Variants in SDHAF3 observed in about 807,000 individuals in gnomAD.
SDHAF3 encodes succinate dehydrogenase assembly factor 3, mitochondrial.
SDHAF3 carries 18 observed loss-of-function variants against 11.5 expected under a neutral mutation model. The ratio of observed to expected loss-of-function variants is 1.56; its 90% CI spans 1.08 to 2.32. SDHAF3 has a LOEUF of 2.32. Among genes scored for constraint, SDHAF3 ranks in the 30% most tolerant of loss-of-function variants. The pLI, the probability that SDHAF3 is intolerant of heterozygous loss-of-function variation, is 0.00. For synonymous variants in SDHAF3, 72 were observed against 59.3 expected (o/e 1.21, Z -0.99); for missense variants, 200 against 154.4 (o/e 1.30, Z -1.57).
chr7:97,150,784 G>A (rs758908593), intron 1 of SDHAF3, among the ~76,000 whole-genome samples: 6 of 151,612 alleles, frequency 4.0e-5, no homozygotes, highest in Admixed American at 6.6e-5. Flanking sequence ...GGATAGTCTC[G>A]ATCTCCTGAC....
intron 1 of SDHAF3, among the ~76,000 whole-genome samples, chr7:97,171,841 T>C (rs746742492): frequency 6.6e-6 from 1 of 152,110 alleles, no homozygotes; most frequent in South Asian, 2.1e-4. Flanking sequence ...GAGCAAATAC[T>C]AGATATGTGA....
chr7:97,128,392 A>C (rs1352345230), intron 1 of SDHAF3, among the ~76,000 whole-genome samples: 1 of 152,250 alleles, frequency 6.6e-6, no homozygotes, highest in African/African-American at 2.4e-5. Context: ...CTCATGATAA[A>C]GTAACAAAGT....
intron 1 of SDHAF3, among the ~76,000 whole-genome samples, chr7:97,144,107 A>G (rs1036378036): frequency 6.6e-5 from 10 of 152,022 alleles, no homozygotes; most frequent in African/African-American, 1.9e-4. Context: ...GCGTTTTTTC[A>G]TATGGTCATC....
intron 1 of SDHAF3, among the ~76,000 whole-genome samples, chr7:97,141,185 C>T (rs1789031636): frequency 6.6e-6 from 1 of 152,174 alleles, no homozygotes. Context: ...CTCTCAAACA[C>T]TGTCTCCTGA....
chr7:97,159,841 G>A (rs1489305905), intron 1 of SDHAF3, among the ~76,000 whole-genome samples: 2 of 152,176 alleles, frequency 1.3e-5, no homozygotes, highest in East Asian at 1.9e-4. Context: ...GGAGTTTCGA[G>A]AAGGTTGGTT....
chr7:97,144,804 A>G (rs1055113239), intron 1 of SDHAF3, among the ~76,000 whole-genome samples: 3 of 152,166 alleles, frequency 2.0e-5, no homozygotes, highest in African/African-American at 7.2e-5. Flanking sequence ...CTTTGGTTTC[A>G]TATGGATTTT....
chr7:97,145,867 CAG>C (rs1196154914), intron 1 of SDHAF3, among the ~76,000 whole-genome samples: 1 of 152,136 alleles, frequency 6.6e-6, no homozygotes, highest in African/African-American at 2.4e-5. Flanking sequence ...AAAACCCCAA[CAG>C]AGAGAGAATC....
chr7:97,125,974 CT>C, intron 1 of SDHAF3, among the ~76,000 whole-genome samples: 1 of 152,086 alleles, frequency 6.6e-6, no homozygotes, highest in East Asian at 1.9e-4. Context: ...CATGGATTTA[CT>C]TTGGATGGGG....
chr7:97,144,214 C>G (rs1424867027), intron 1 of SDHAF3, among the ~76,000 whole-genome samples: 2 of 151,874 alleles, frequency 1.3e-5, no homozygotes, highest in Non-Finnish European at 1.5e-5. Context: ...TGTTTGAGTT[C>G]ATTGTTGATT....
intron 1 of SDHAF3, among the ~76,000 whole-genome samples, chr7:97,140,919 C>T (rs147105647): frequency 0.052 from 6,046 of 116,222 alleles, 164 homozygotes; most frequent in Non-Finnish European, 0.073. Context: ...GTGAGCCGGG[C>T]GGAACAGAGC....
intron 1 of SDHAF3, among the ~76,000 whole-genome samples, chr7:97,168,166 G>A (rs745435109): frequency 1.6e-4 from 24 of 152,212 alleles, no homozygotes; most frequent in Non-Finnish European, 1.8e-4. Context: ...ACCCTTCAAC[G>A]TGTTCACGTG....
chr7:97,135,168 C>G (rs565810689), intron 1 of SDHAF3: 1 of 151,946 alleles, frequency 6.6e-6, no homozygotes, highest in African/African-American at 2.4e-5. Context: ...GCTTTACCCC[C>G]TTATTATTGT....
At chr7:97,156,676 G>C (rs1443374551) in intron 1 of SDHAF3, among the ~76,000 whole-genome samples, 1 of 152,006 alleles carries the variant, frequency 6.6e-6, no homozygotes, top group African/African-American at 2.4e-5. Context: ...GAGAACTTCT[G>C]TTCTTCCCTC....
chr7:97,126,177 G>A (rs898295277), intron 1 of SDHAF3, among the ~76,000 whole-genome samples: 7 of 152,172 alleles, frequency 4.6e-5, no homozygotes, highest in Non-Finnish European at 7.3e-5. Flanking sequence ...TGGAAGCTTC[G>A]TCCCAGAGGG....
chr7:97,135,607 G>GTGTC (rs1411240104), intron 1 of SDHAF3: 3 of 148,772 alleles, frequency 2.0e-5, no homozygotes, highest in African/African-American at 7.5e-5. Flanking sequence ...GTGTGTCTGT[G>GTGTC]TGTGTGTGTG....
At chr7:97,138,914 A>G (rs915632597) in intron 1 of SDHAF3, among the ~76,000 whole-genome samples, 2 of 152,174 alleles carry the variant, frequency 1.3e-5, no homozygotes, top group Non-Finnish European at 2.9e-5. Context: ...CCATTGGACC[A>G]TGCCTGGCTT....
At chr7:97,151,235 T>A (rs750521638) in intron 1 of SDHAF3, among the ~76,000 whole-genome samples, 6 of 152,192 alleles carry the variant, frequency 3.9e-5, no homozygotes, top group Non-Finnish European at 7.3e-5. Context: ...CATACGGATT[T>A]ATTATGTGCA....
At chr7:97,129,279 A>G (rs949389589) in intron 1 of SDHAF3, among the ~76,000 whole-genome samples, 3 of 152,060 alleles carry the variant, frequency 2.0e-5, no homozygotes, top group Admixed American at 2.0e-4. Context: ...CTGATTTCCT[A>G]CCTACCTGGT....
chr7:97,157,679 G>T (rs949654516), intron 1 of SDHAF3, among the ~76,000 whole-genome samples: 1 of 152,080 alleles, frequency 6.6e-6, no homozygotes, highest in Non-Finnish European at 1.5e-5. Context: ...TATGTTTATT[G>T]TGGCACTATT....
Sources: allele counts gnomAD v4.1 joint callset (sites outside exome capture counted in the v4.1 genomes callset), GRCh38; gene constraint gnomAD v4.1.1; transcripts MANE v1.5; gene names NCBI Gene and HGNC (gene_info 2026-07-23, HGNC 2026-07-21).